The following CCDC102B variants were observed in gnomAD, a reference collection of about 807,000 sequenced individuals.
The protein encoded by CCDC102B is coiled-coil domain-containing protein 102B.
A neutral mutation model predicts 57.4 loss-of-function variants in CCDC102B; 75 were observed. That is an observed-to-expected ratio of 1.31 (90% confidence interval 1.08 to 1.58). The LOEUF is 1.58. CCDC102B is among the 40% of genes most tolerant of loss of function. The probability of loss-of-function intolerance (pLI) is 0.00; values close to 1 mark genes in which losing one functional copy is unlikely to be tolerated. For missense variants in CCDC102B, 636 were observed against 582.6 expected (o/e 1.09, Z -0.94); for synonymous variants, 206 against 201.9 (o/e 1.02, Z -0.17).
chr18:69,014,992 T>A (rs1373730948), intron 7 of CCDC102B, among the ~76,000 whole-genome samples: 1 of 151,436 alleles, frequency 6.6e-6, no homozygotes, highest in African/African-American at 2.4e-5. Context: ...TGTGTGTGTG[T>A]GTGTGTGTGT....
chr18:69,009,037 T>C (rs1023216248), intron 6 of CCDC102B, among the ~76,000 whole-genome samples: 7 of 152,140 alleles, frequency 4.6e-5, no homozygotes, highest in African/African-American at 1.7e-4. Context: ...TCACAACATT[T>C]CACACAGCTA....
chr18:69,040,248 C>T (rs1346995998), intron 7 of CCDC102B, among the ~76,000 whole-genome samples: 2 of 151,984 alleles, frequency 1.3e-5, no homozygotes, highest in African/African-American at 2.4e-5. Context: ...ATTATCGCTA[C>T]TAAACCAATA....
intron 2 of CCDC102B, among the ~76,000 whole-genome samples, chr18:68,837,641 A>G (rs1182232522): frequency 6.6e-6 from 1 of 152,056 alleles, no homozygotes; most frequent in African/African-American, 2.4e-5. Flanking sequence ...GTGTCTTCAC[A>G]TGGTCTTTTC....
At chr18:68,854,537 T>TA (rs199803762) in intron 4 of CCDC102B, among the ~76,000 whole-genome samples, 486 of 150,472 alleles carry the variant, frequency 3.2e-3, no homozygotes, top group Admixed American at 6.9e-3. Context: ...CTCAGAAATA[T>TA]AAAAAAAAAA....
At chr18:68,839,205 G>T (rs967704326) in intron 3 of CCDC102B, among the ~76,000 whole-genome samples, 4 of 152,142 alleles carry the variant, frequency 2.6e-5, no homozygotes, top group African/African-American at 9.7e-5. Context: ...AATTCTTAAT[G>T]TACAAGGTTA....
intron 2 of CCDC102B, among the ~76,000 whole-genome samples, chr18:68,766,603 A>G (rs1282177222): frequency 6.6e-6 from 1 of 152,224 alleles, no homozygotes; most frequent in African/African-American, 2.4e-5. Context: ...AGTAACTGGC[A>G]GCAGATCATA....
rs755743398 is a variant in CCDC102B at position 69,011,072 on chromosome 18, C to A, written c.1402C>A (p.Leu468Ile). The A allele has an allele frequency of 6.2e-6, 10 of 1,613,608 alleles. No homozygotes were observed. Among genetic ancestry groups the A allele is most frequent in the Non-Finnish European group, 8.5e-6 (10 of 1,179,768 alleles). ...GAAACTAAGATTACGAGTGGAAGAA[C>A]TAAAGCAGGGACTCAATCAAAAAGA... ...VKKLRLRVEE[L>I]KQGLNQKEDE... The change falls in exon 7 of 8, where the codon CTA becomes ATA. Residue 468 changes from leucine to isoleucine, a missense_variant. Leu to Ile is a conservative substitution (Grantham distance 5, BLOSUM62 2). Transcript: ENST00000360242.
rs866112501 is a variant in CCDC102B, at chr18:68,879,682, T to C, written c.1053+4897T>C. 9.9e-5 allele frequency among the ~76,000 whole-genome samples: 15 copies of C among 152,020 alleles called. No individual in the cohort carries two copies. The South Asian group carries it at 2.9e-3, about 30-fold the overall frequency. ...GTGTATTTACAAACCTTGAGCTAGA[T>C]ACAGAGTGCCGATTGGTGTATTTAC... On this transcript the variant is annotated intron_variant, in intron 5 of 7. Transcript: ENST00000360242.
intron 6 of CCDC102B, among the ~76,000 whole-genome samples, chr18:68,954,789 C>T (rs2049796883): frequency 1.3e-5 from 2 of 152,138 alleles, no homozygotes; most frequent in African/African-American, 4.8e-5. Flanking sequence ...CATTGAATTG[C>T]TTTTTCCTTA....
chr18:68,999,022 A>C (rs1261668282), intron 6 of CCDC102B, among the ~76,000 whole-genome samples: 2 of 149,510 alleles, frequency 1.3e-5, no homozygotes, highest in Non-Finnish European at 3.0e-5. Flanking sequence ...AGAGAGAGAG[A>C]GAGAGAGAGA....
intron 6 of CCDC102B, among the ~76,000 whole-genome samples, chr18:68,967,049 A>G (rs2050182163): frequency 6.6e-6 from 1 of 152,156 alleles, no homozygotes; most frequent in African/African-American, 2.4e-5. Flanking sequence ...ATACATCCCA[A>G]TCTTCCCTGT....
intron 4 of CCDC102B, among the ~76,000 whole-genome samples, chr18:68,864,083 T>C (rs2038872073): frequency 6.6e-6 from 1 of 151,996 alleles, no homozygotes; most frequent in Non-Finnish European, 1.5e-5. Context: ...GTGGAAAGAC[T>C]GGGAAACGTT....
intron 4 of CCDC102B, among the ~76,000 whole-genome samples, chr18:68,862,643 T>A (rs753271898): frequency 6.6e-5 from 10 of 152,110 alleles, no homozygotes; most frequent in Non-Finnish European, 1.0e-4. Context: ...CTTCAAGAGA[T>A]GACAGGTTCT....
chr18:69,003,867 A>G (rs1395657936), intron 6 of CCDC102B, among the ~76,000 whole-genome samples: 1 of 152,204 alleles, frequency 6.6e-6, no homozygotes, highest in Non-Finnish European at 1.5e-5. Flanking sequence ...TAGATAAAAC[A>G]TTAGTGGATG....
At chr18:68,955,621 T>C (rs1392607909) in intron 6 of CCDC102B, among the ~76,000 whole-genome samples, 1 of 151,840 alleles carries the variant, frequency 6.6e-6, no homozygotes, top group Non-Finnish European at 1.5e-5. Context: ...CTTCACCTTT[T>C]CCTTTTTTGT....
At position 69,054,237 on chromosome 18, in the gene CCDC102B, A is replaced by G. The variant is rs1193141750; in HGVS notation, c.*100A>G. On this transcript the variant is annotated 3_prime_UTR_variant, in exon 8 of 8. Transcript: ENST00000360242. The stretch of plus-strand genomic sequence containing the variant: ...AAAATTGTTTTTATTAACTAGAAAT[A>G]TTAATGAAAAAAACGTAGACAATAC... 2.2e-6 allele frequency: 3 copies of G among 1,383,808 alleles called. No homozygotes were observed. The highest frequency in any genetic ancestry group is 3.2e-5 in the Admixed American group (1 of 30,802). 85.7% of individuals were successfully genotyped at this position (1,383,808 alleles called of 1,614,324 possible). A position where few individuals can be genotyped will look rare whatever the true frequency, so the allele number is the denominator to read the frequency against.
At chr18:68,993,635 A>C (rs2050937281) in intron 6 of CCDC102B, among the ~76,000 whole-genome samples, 1 of 152,242 alleles carries the variant, frequency 6.6e-6, no homozygotes, top group Non-Finnish European at 1.5e-5. Flanking sequence ...AATATTTTAC[A>C]GATGTATGTA....
chr18:68,971,893 C>T (rs899862974), intron 6 of CCDC102B, among the ~76,000 whole-genome samples: 4 of 151,918 alleles, frequency 2.6e-5, no homozygotes, highest in Non-Finnish European at 5.9e-5. Context: ...AAGATAGAAA[C>T]ATTTGTGATT....
chr18:68,956,636 A>C, intron 6 of CCDC102B, among the ~76,000 whole-genome samples: 1 of 126,580 alleles, frequency 7.9e-6, no homozygotes, highest in African/African-American at 3.1e-5. Flanking sequence ...ATATCGCACC[A>C]TACATATAGC....
Sources: allele counts gnomAD v4.1 joint callset (sites outside exome capture counted in the v4.1 genomes callset), GRCh38; gene constraint gnomAD v4.1.1; transcripts MANE v1.5; gene names NCBI Gene and HGNC (gene_info 2026-07-23, HGNC 2026-07-21).